PRR33: variants seen among roughly 807,000 people sequenced by gnomAD.
The protein encoded by PRR33 is proline-rich protein 33.
In PRR33, 1 loss-of-function variant was observed where a neutral mutation model predicts 0.5. The ratio of observed to expected loss-of-function variants is 2.18; its 90% CI spans 0.77 to 10.34. PRR33 has a LOEUF of 10.34. Ranked by LOEUF, PRR33 falls within the 30% of genes most tolerant of loss-of-function variation. The probability of loss-of-function intolerance (pLI) is 0.13; values close to 1 mark genes in which losing one functional copy is unlikely to be tolerated. For missense variants in PRR33, 552 were observed against 251.8 expected, an observed-to-expected ratio of 2.19 and a Z score of -8.07; for synonymous variants, 226 against 110.0, an observed-to-expected ratio of 2.06 and a Z score of -6.60.
the PRR33 span, among the ~76,000 whole-genome samples, chr11:1,914,481 G>T: frequency 6.9e-6 from 1 of 144,092 alleles, no homozygotes; most frequent in African/African-American, 2.5e-5. Context: ...GTTTTTCTTT[G>T]TGTGTGTGTG....
chr11:1,917,365 C>T, the PRR33 span, among the ~76,000 whole-genome samples: 1 of 152,216 alleles, frequency 6.6e-6, no homozygotes, highest in African/African-American at 2.4e-5. Flanking sequence ...ACTCAGGAGG[C>T]CATCCTCCCT....
At chr11:1,894,815 C>G (rs1176792075), upstream of PRR33, among the ~76,000 whole-genome samples, 1 of 152,176 alleles carries the variant, frequency 6.6e-6, no homozygotes, top group Non-Finnish European at 1.5e-5. Context: ...ATTTCCTTTA[C>G]TCTTGGGGAG....
At chr11:1,902,717 A>T in the PRR33 span, 20,739 of 152,098 alleles carry the variant, frequency 0.14, 1,744 homozygotes, top group South Asian at 0.25. Flanking sequence ...TGCAAGAAAG[A>T]ATTCAGGGTG....
At chr11:1,915,312 G>C in the PRR33 span, among the ~76,000 whole-genome samples, 1 of 150,822 alleles carries the variant, frequency 6.6e-6, no homozygotes, top group African/African-American at 2.4e-5. Context: ...TGTGTTGTGG[G>C]ATAGGACATC....
the PRR33 span, among the ~76,000 whole-genome samples, chr11:1,909,400 C>T: frequency 6.6e-6 from 1 of 152,112 alleles, no homozygotes; most frequent in Non-Finnish European, 1.5e-5. Flanking sequence ...ATCACGAGGT[C>T]AGGAGATCGA....
the PRR33 span, among the ~76,000 whole-genome samples, chr11:1,915,124 C>T: frequency 8.0e-6 from 1 of 125,276 alleles, no homozygotes; most frequent in African/African-American, 3.1e-5. Context: ...GGGTCACACA[C>T]CTGGGATGAT....
chr11:1,896,142 C>G (rs1849122255), upstream of PRR33, among the ~76,000 whole-genome samples: 2 of 152,196 alleles, frequency 1.3e-5, no homozygotes, highest in African/African-American at 4.8e-5. Context: ...AATGTTAGCT[C>G]TTCAATTGTG....
the PRR33 span, among the ~76,000 whole-genome samples, chr11:1,914,207 A>C: frequency 6.6e-6 from 1 of 152,142 alleles, no homozygotes; most frequent in African/African-American, 2.4e-5. Flanking sequence ...TTGTGGGGTC[A>C]CACACCTGGG....
the PRR33 span, among the ~76,000 whole-genome samples, chr11:1,901,158 C>T: frequency 6.6e-6 from 1 of 152,142 alleles, no homozygotes; most frequent in Admixed American, 6.5e-5. Flanking sequence ...AAAAAAAATA[C>T]AAAATTAGTC....
chr11:1,914,734 G>A, the PRR33 span, among the ~76,000 whole-genome samples: 1 of 149,502 alleles, frequency 6.7e-6, no homozygotes, highest in South Asian at 2.1e-4. Context: ...CTGTGTGTGT[G>A]TTGTGGGGTC....
At chr11:1,891,640 G>A (rs933082278) in exon 1 of PRR33, 3 of 153,900 alleles carry the variant, frequency 1.9e-5, no homozygotes, top group African/African-American at 7.2e-5. Flanking sequence ...GGTGGAGTGG[G>A]GGTGTGGGCA....
chr11:1,917,514 A>G, the PRR33 span, among the ~76,000 whole-genome samples: 3 of 152,184 alleles, frequency 2.0e-5, no homozygotes, highest in Admixed American at 2.0e-4. Context: ...TGCGTCCCCA[A>G]CCCAGGCTGG....
the PRR33 span, among the ~76,000 whole-genome samples, chr11:1,902,222 A>ACT: frequency 7.2e-6 from 1 of 139,500 alleles, no homozygotes; most frequent in Admixed American, 7.5e-5. Context: ...ACAGAGTGAG[A>ACT]CTCTATCTCA....
At chr11:1,898,878 G>A in the PRR33 span, among the ~76,000 whole-genome samples, 2 of 152,150 alleles carry the variant, frequency 1.3e-5, no homozygotes, top group African/African-American at 2.4e-5. Flanking sequence ...GTAGGTGCCT[G>A]TAATCCCAGC....
the PRR33 span, among the ~76,000 whole-genome samples, chr11:1,909,428 C>A: frequency 6.6e-6 from 1 of 151,650 alleles, no homozygotes; most frequent in African/African-American, 2.4e-5. Flanking sequence ...CTAGCCAACA[C>A]GGTGAAACCC....
At chr11:1,903,109 T>C in the PRR33 span, 1 of 152,132 alleles carries the variant, frequency 6.6e-6, no homozygotes. Flanking sequence ...TCCAGTGACT[T>C]AGAATGCCTG....
At chr11:1,902,539 C>T in the PRR33 span, 1 of 151,876 alleles carries the variant, frequency 6.6e-6, no homozygotes, top group African/African-American at 2.4e-5. Flanking sequence ...TTTTCTTTGT[C>T]TTAATTAATT....
exon 1 of PRR33, chr11:1,889,992 C>G: frequency 1.5e-6 from 1 of 655,746 alleles, no homozygotes; most frequent in Non-Finnish European, 2.8e-6. Flanking sequence ...TGGGGCTGTC[C>G]TGGGAGGCTC....
At chr11:1,917,478 G>A in the PRR33 span, among the ~76,000 whole-genome samples, 9 of 152,162 alleles carry the variant, frequency 5.9e-5, no homozygotes, top group Non-Finnish European at 8.8e-5. Flanking sequence ...CCCGTGGTCC[G>A]TCCTCAGACT....
Sources: allele counts gnomAD v4.1 joint callset (sites outside exome capture counted in the v4.1 genomes callset), GRCh38; gene constraint gnomAD v4.1.1; transcripts MANE v1.5; gene names NCBI Gene and HGNC (gene_info 2026-07-23, HGNC 2026-07-21).